Variants in AAK1 observed in about 807,000 individuals in gnomAD.
AAK1 encodes the protein AP2-associated protein kinase 1.
Under a neutral mutation model 116.0 loss-of-function variants are expected in AAK1, and 37 were observed. The observed-to-expected ratio is 0.32, with a 90% confidence interval of 0.25 to 0.42. AAK1 has a LOEUF of 0.42. Among genes scored for constraint, AAK1 ranks in the 10% least tolerant of loss-of-function variants. The pLI is 1.00. For synonymous variants in AAK1, 458 were observed against 439.9 expected (o/e 1.04, Z -0.51); for missense variants, 919 against 1,170.6 (o/e 0.79, Z 3.14).
intron 14 of AAK1, among the ~76,000 whole-genome samples, chr2:69,508,807 G>T (rs576223298): frequency 2.7e-4 from 41 of 152,198 alleles, no homozygotes; most frequent in Non-Finnish European, 5.0e-4. Flanking sequence ...GTGAAGAATG[G>T]CAAGTCTGCC....
intron 5 of AAK1, among the ~76,000 whole-genome samples, chr2:69,533,232 T>A (rs1301705805): frequency 6.6e-6 from 1 of 152,196 alleles, no homozygotes; most frequent in Non-Finnish European, 1.5e-5. Context: ...AATCATATTC[T>A]TGGTCTTCTC....
intron 2 of AAK1, among the ~76,000 whole-genome samples, chr2:69,603,315 C>G (rs1287965202): frequency 6.6e-6 from 1 of 152,140 alleles, no homozygotes; most frequent in African/African-American, 2.4e-5. Context: ...TGGAGTCTTT[C>G]AAGCTTGTGA....
chr2:69,563,578 T>C (rs1671736166), intron 2 of AAK1, among the ~76,000 whole-genome samples: 1 of 152,148 alleles, frequency 6.6e-6, no homozygotes, highest in African/African-American at 2.4e-5. Flanking sequence ...TGAAGTCCAC[T>C]TGTCTGAGAT....
chr2:69,492,667 C>A (rs1002424452), intron 17 of AAK1, among the ~76,000 whole-genome samples: 1 of 151,502 alleles, frequency 6.6e-6, no homozygotes, highest in African/African-American at 2.4e-5. Flanking sequence ...CAAGTACAGG[C>A]GCATGCCACC....
chr2:69,509,152 T>C (rs891716416), intron 14 of AAK1, 79 bp downstream of exon 14: 3 of 1,204,866 alleles, frequency 2.5e-6, no homozygotes, highest in Admixed American at 1.8e-5. Context: ...TACACACTTA[T>C]GCAAAGAATC....
At chr2:69,509,914 C>T (rs908528136) in intron 13 of AAK1, among the ~76,000 whole-genome samples, 4 of 152,172 alleles carry the variant, frequency 2.6e-5, no homozygotes, top group Admixed American at 1.3e-4. Flanking sequence ...GTATCTCCAG[C>T]GAAACACATT....
intron 10 of AAK1, among the ~76,000 whole-genome samples, chr2:69,523,924 G>C (rs942775106): frequency 1.3e-5 from 2 of 152,222 alleles, no homozygotes; most frequent in Non-Finnish European, 2.9e-5. Context: ...TTCTCCCTCT[G>C]TCTGGGTCAG....
At chr2:69,579,301 C>T (rs1269832602) in intron 2 of AAK1, among the ~76,000 whole-genome samples, 1 of 152,174 alleles carries the variant, frequency 6.6e-6, no homozygotes, top group African/African-American at 2.4e-5. Context: ...TCTTTCCAGC[C>T]AGGCCTGGTG....
chr2:69,632,812 T>A (rs369859295), intron 2 of AAK1, among the ~76,000 whole-genome samples: 1 of 151,494 alleles, frequency 6.6e-6, no homozygotes, highest in East Asian at 1.9e-4. Flanking sequence ...GGCGAGTGGA[T>A]CACGAGGTCG....
At chr2:69,610,851 G>GA (rs977155774) in intron 2 of AAK1, among the ~76,000 whole-genome samples, 13 of 152,120 alleles carry the variant, frequency 8.5e-5, no homozygotes, top group Non-Finnish European at 1.9e-4. Flanking sequence ...CTATTACTAA[G>GA]AAAAAACAGC....
chr2:69,556,767 A>G, intron 3 of AAK1, 93 bp downstream of exon 3: 1 of 917,778 alleles, frequency 1.1e-6, no homozygotes, highest in Non-Finnish European at 1.7e-6. Context: ...GTACCATCTC[A>G]GGGAAGGGAA....
At chr2:69,546,178 C>T (rs1158048606) in intron 3 of AAK1, among the ~76,000 whole-genome samples, 1 of 151,956 alleles carries the variant, frequency 6.6e-6, no homozygotes, top group African/African-American at 2.4e-5. Context: ...AAAAAGAGAA[C>T]TCAAATGAGT....
At chr2:69,641,347 A>T (rs1675715381) in intron 2 of AAK1, among the ~76,000 whole-genome samples, 1 of 152,158 alleles carries the variant, frequency 6.6e-6, no homozygotes, top group Non-Finnish European at 1.5e-5. Context: ...CACTGCAGTT[A>T]AGGGCTTTGG....
chr2:69,499,469 C>T (rs978093861), intron 16 of AAK1, among the ~76,000 whole-genome samples: 12 of 152,160 alleles, frequency 7.9e-5, no homozygotes, highest in Admixed American at 5.2e-4. Context: ...CTTGATTCTC[C>T]GTATAGATTA....
intron 2 of AAK1, among the ~76,000 whole-genome samples, chr2:69,574,429 G>A (rs1672216605): frequency 6.6e-6 from 1 of 150,910 alleles, no homozygotes; most frequent in African/African-American, 2.4e-5. Flanking sequence ...GATTGGGGCT[G>A]GGCATGGTGG....
intron 2 of AAK1, among the ~76,000 whole-genome samples, chr2:69,586,374 C>A (rs991369339): frequency 6.6e-6 from 1 of 152,090 alleles, no homozygotes; most frequent in Non-Finnish European, 1.5e-5. Flanking sequence ...TAACCATGGG[C>A]TTTGGAGGCA....
intron 16 of AAK1, 96 bp from the exon 17 acceptor site, chr2:69,496,176 T>C (rs758522078): frequency 8.5e-6 from 7 of 822,068 alleles, no homozygotes; most frequent in Middle Eastern, 2.5e-4. Flanking sequence ...CCTCTATTAA[T>C]GCAACAGTTC....
At chr2:69,509,607 C>A (rs1213494367) in intron 13 of AAK1, 147 bp from the exon 14 acceptor site, 6 of 677,064 alleles carry the variant, frequency 8.9e-6, no homozygotes, top group Non-Finnish European at 1.5e-5. Flanking sequence ...CAATAATGCC[C>A]AGAAAGAAAA....
intron 2 of AAK1, among the ~76,000 whole-genome samples, chr2:69,575,854 C>T (rs1030872207): frequency 1.3e-5 from 2 of 152,136 alleles, no homozygotes; most frequent in Non-Finnish European, 2.9e-5. Context: ...TGGCTGGGCT[C>T]AGCACAGTTA....
Sources: allele counts gnomAD v4.1 joint callset (sites outside exome capture counted in the v4.1 genomes callset), GRCh38; gene constraint gnomAD v4.1.1; transcripts MANE v1.5; gene names NCBI Gene and HGNC (gene_info 2026-07-23, HGNC 2026-07-21).